The following CADM1 variants were observed in gnomAD, a reference collection of about 807,000 sequenced individuals.
CADM1 encodes the protein cell adhesion molecule 1, also known as TSLC-1.
A neutral mutation model predicts 53.1 loss-of-function variants in CADM1; 15 were observed. That is an observed-to-expected ratio of 0.28 (90% CI 0.19 to 0.44). The LOEUF (loss-of-function observed/expected upper bound fraction) is 0.44. Ranked by LOEUF, CADM1 falls within the 20% of genes least tolerant of loss-of-function variation. The pLI, the probability that CADM1 is intolerant of heterozygous loss-of-function variation, is 1.00. For missense variants in CADM1, 434 were observed against 611.3 expected (o/e 0.71, Z 3.06); for synonymous variants, 281 against 243.0 (o/e 1.16, Z -1.45).
chr11:115,489,930 G>A (rs1949455210), intron 1 of CADM1, among the ~76,000 whole-genome samples: 1 of 152,280 alleles, frequency 6.6e-6, no homozygotes. Context: ...AGGCATGGGA[G>A]AGCATGGTGC....
At chr11:115,310,275 T>C (rs191702189) in intron 1 of CADM1, among the ~76,000 whole-genome samples, 7 of 152,228 alleles carry the variant, frequency 4.6e-5, no homozygotes, top group Non-Finnish European at 7.4e-5. Flanking sequence ...TTTAATTAAA[T>C]TATATTGATG....
chr11:115,390,205 T>C (rs1423917454), intron 1 of CADM1, among the ~76,000 whole-genome samples: 3 of 152,194 alleles, frequency 2.0e-5, no homozygotes, highest in Admixed American at 1.3e-4. Flanking sequence ...GTGGCTTCAC[T>C]GATTTCAAGC....
chr11:115,264,514 T>C (rs1943072538), intron 1 of CADM1, among the ~76,000 whole-genome samples: 1 of 152,166 alleles, frequency 6.6e-6, no homozygotes. Context: ...CAGAAAAACA[T>C]TCTCTGCAAA....
At chr11:115,233,643 A>G (rs1941905246) in intron 3 of CADM1, among the ~76,000 whole-genome samples, 1 of 152,250 alleles carries the variant, frequency 6.6e-6, no homozygotes, top group Admixed American at 6.5e-5. Flanking sequence ...AAAGAGTGGT[A>G]TAAGAAAAAA....
chr11:115,242,093 C>A (rs867238494), intron 1 of CADM1, among the ~76,000 whole-genome samples: 1 of 148,550 alleles, frequency 6.7e-6, no homozygotes. Flanking sequence ...AAAGAGGAAA[C>A]TAAAAGGATA....
chr11:115,480,888 C>T (rs1238301973), intron 1 of CADM1, among the ~76,000 whole-genome samples: 1 of 152,070 alleles, frequency 6.6e-6, no homozygotes, highest in Non-Finnish European at 1.5e-5. Flanking sequence ...ATTATCTCCA[C>T]CTCAGAAGAA....
At chr11:115,257,223 T>C (rs1236019699) in intron 1 of CADM1, among the ~76,000 whole-genome samples, 2 of 152,228 alleles carry the variant, frequency 1.3e-5, no homozygotes, top group South Asian at 4.1e-4. Context: ...ATTCACTTTT[T>C]AGATTTGCCA....
intron 1 of CADM1, among the ~76,000 whole-genome samples, chr11:115,364,757 GA>G (rs1388826759): frequency 6.6e-6 from 1 of 152,046 alleles, no homozygotes; most frequent in Non-Finnish European, 1.5e-5. Flanking sequence ...CTCTACTGTT[GA>G]AAAATTTTAA....
chr11:115,426,843 G>C (rs1034247281), intron 1 of CADM1, among the ~76,000 whole-genome samples: 1 of 152,146 alleles, frequency 6.6e-6, no homozygotes. Flanking sequence ...AGATGAAGCA[G>C]GAAGAGGCAT....
At chr11:115,257,385 C>T (rs934848258) in intron 1 of CADM1, among the ~76,000 whole-genome samples, 3 of 152,192 alleles carry the variant, frequency 2.0e-5, no homozygotes, top group Non-Finnish European at 2.9e-5. Flanking sequence ...TTTGCAGAAT[C>T]AGACAGACTC....
At chr11:115,493,267 T>C (rs369994005) in intron 1 of CADM1, among the ~76,000 whole-genome samples, 2 of 150,332 alleles carry the variant, frequency 1.3e-5, no homozygotes, top group Admixed American at 1.3e-4. Context: ...ACTGAACCCA[T>C]TGTAATTTTC....
chr11:115,443,428 T>G (rs183985817), intron 1 of CADM1, among the ~76,000 whole-genome samples: 20 of 152,316 alleles, frequency 1.3e-4, no homozygotes, highest in African/African-American at 4.8e-4. Context: ...AAAAAAGGGC[T>G]TGGAACCCAG....
chr11:115,424,639 G>A (rs2135278638), intron 1 of CADM1, among the ~76,000 whole-genome samples: 1 of 152,202 alleles, frequency 6.6e-6, no homozygotes, highest in Admixed American at 6.5e-5. Context: ...CAATTCTCCA[G>A]CCTCAGCCTC....
chr11:115,503,067 A>T (rs1056661051), intron 1 of CADM1, among the ~76,000 whole-genome samples: 1 of 151,972 alleles, frequency 6.6e-6, no homozygotes, highest in Non-Finnish European at 1.5e-5. Flanking sequence ...GCCCCGTGCC[A>T]CTCGGTCCCG....
intron 1 of CADM1, among the ~76,000 whole-genome samples, chr11:115,422,042 T>G (rs1012919994): frequency 2.0e-5 from 3 of 152,178 alleles, no homozygotes; most frequent in Non-Finnish European, 4.4e-5. Flanking sequence ...GCTACTGTCA[T>G]CAGGTCCCCA....
At chr11:115,222,636 G>A (rs540108043) in intron 5 of CADM1, among the ~76,000 whole-genome samples, 5 of 152,306 alleles carry the variant, frequency 3.3e-5, no homozygotes, top group Admixed American at 3.3e-4. Context: ...GAAGAGGGCT[G>A]AACGATTGTG....
chr11:115,321,507 T>A (rs1383460510), intron 1 of CADM1, among the ~76,000 whole-genome samples: 1 of 152,208 alleles, frequency 6.6e-6, no homozygotes, highest in South Asian at 2.1e-4. Context: ...TTCCAATGCA[T>A]TTTTAATGTT....
At chr11:115,236,700 T>C (rs1423558024) in intron 3 of CADM1, among the ~76,000 whole-genome samples, 1 of 151,822 alleles carries the variant, frequency 6.6e-6, no homozygotes, top group East Asian at 1.9e-4. Context: ...TGCTTGCCAA[T>C]GGCTAGACAT....
intron 3 of CADM1, among the ~76,000 whole-genome samples, chr11:115,236,495 A>G (rs748521856): frequency 5.5e-4 from 84 of 152,368 alleles, no homozygotes; most frequent in Non-Finnish European, 1.1e-3. Flanking sequence ...TAATACTTCT[A>G]TAAAATACAA....
Sources: allele counts gnomAD v4.1 joint callset (sites outside exome capture counted in the v4.1 genomes callset), GRCh38; gene constraint gnomAD v4.1.1; transcripts MANE v1.5; gene names NCBI Gene and HGNC (gene_info 2026-07-23, HGNC 2026-07-21).